Variants in DTD1 observed in about 807,000 individuals in gnomAD.
DTD1 encodes D-aminoacyl-tRNA deacylase 1, also known as D-tyrosyl-tRNA deacylase 1 homolog.
DTD1 carries 13 observed loss-of-function variants against 25.6 expected under a neutral mutation model. The observed-to-expected ratio is 0.51, with a 90% confidence interval of 0.33 to 0.81. DTD1 has a LOEUF of 0.81. Among genes scored for constraint, DTD1 ranks in the 30% least tolerant of loss-of-function variants. The pLI, the probability that DTD1 is intolerant of heterozygous loss-of-function variation, is 0.02. For synonymous variants in DTD1, 110 were observed against 103.6 expected (o/e 1.06, Z -0.37); for missense variants, 193 against 266.4 (o/e 0.72, Z 1.92).
chr20:18,746,338 C>G (rs1301686019), intron 5 of DTD1, among the ~76,000 whole-genome samples: 3 of 152,102 alleles, frequency 2.0e-5, no homozygotes, highest in Admixed American at 2.0e-4. Flanking sequence ...TCTTTCTCTT[C>G]TGAAAGAGAG....
At chr20:18,693,755 C>A (rs1009751360) in intron 4 of DTD1, among the ~76,000 whole-genome samples, 4 of 152,042 alleles carry the variant, frequency 2.6e-5, no homozygotes, top group Non-Finnish European at 5.9e-5. Context: ...ACCTTGAAAG[C>A]AGCACCCTTA....
At chr20:18,597,987 GT>G (rs1175654677) in intron 3 of DTD1, among the ~76,000 whole-genome samples, 1 of 109,982 alleles carries the variant, frequency 9.1e-6, no homozygotes, top group Admixed American at 9.2e-5. Flanking sequence ...CCAACATTTT[GT>G]CTTTTTTTGT....
intron 4 of DTD1, among the ~76,000 whole-genome samples, chr20:18,635,410 C>T (rs1051337040): frequency 1.4e-4 from 22 of 152,366 alleles, no homozygotes; most frequent in African/African-American, 5.0e-4. Context: ...AGGGCGCCAC[C>T]TGGCCAGACC....
At chr20:18,594,494 T>A (rs914350235) in intron 2 of DTD1, among the ~76,000 whole-genome samples, 1 of 152,138 alleles carries the variant, frequency 6.6e-6, no homozygotes, top group African/African-American at 2.4e-5. Context: ...ACTTTATAGC[T>A]CCCATTCATT....
chr20:18,736,949 A>G (rs2061257898), intron 4 of DTD1, among the ~76,000 whole-genome samples: 1 of 152,118 alleles, frequency 6.6e-6, no homozygotes, highest in Admixed American at 6.6e-5. Flanking sequence ...ATCTCAGCTA[A>G]TGGGTGGCTC....
intron 3 of DTD1, among the ~76,000 whole-genome samples, chr20:18,619,569 T>C (rs999443222): frequency 1.3e-5 from 2 of 151,962 alleles, no homozygotes; most frequent in African/African-American, 4.8e-5. Context: ...GGACTACAGG[T>C]GCACACCGCC....
intron 4 of DTD1, among the ~76,000 whole-genome samples, chr20:18,719,818 CATA>C (rs2061195560): frequency 6.6e-6 from 1 of 152,292 alleles, no homozygotes; most frequent in East Asian, 1.9e-4. Context: ...ATCATTTTGT[CATA>C]ATAATTTATT....
chr20:18,670,588 G>A (rs1285369133), intron 4 of DTD1, among the ~76,000 whole-genome samples: 1 of 152,214 alleles, frequency 6.6e-6, no homozygotes, highest in Non-Finnish European at 1.5e-5. Context: ...CCATTGCAGT[G>A]CACAGAGTAG....
chr20:18,733,330 A>G (rs1216839222), intron 4 of DTD1, among the ~76,000 whole-genome samples: 1 of 152,224 alleles, frequency 6.6e-6, no homozygotes, highest in Admixed American at 6.5e-5. Context: ...GTCCTTAAGC[A>G]GAAAGGGGCA....
chr20:18,716,950 G>A (rs991829236), intron 4 of DTD1, among the ~76,000 whole-genome samples: 8 of 152,102 alleles, frequency 5.3e-5, no homozygotes, highest in Admixed American at 2.0e-4. Flanking sequence ...AATGGTGGGG[G>A]ACGGCAGCTG....
intron 3 of DTD1, among the ~76,000 whole-genome samples, chr20:18,619,485 C>G (rs1424743431): frequency 6.6e-6 from 1 of 152,016 alleles, no homozygotes; most frequent in African/African-American, 2.4e-5. Flanking sequence ...AATGCAGTGG[C>G]ACAATCTTGG....
At chr20:18,615,911 C>G (rs1165967902) in intron 3 of DTD1, among the ~76,000 whole-genome samples, 1 of 152,162 alleles carries the variant, frequency 6.6e-6, no homozygotes, top group Non-Finnish European at 1.5e-5. Context: ...TGGAAGACCA[C>G]GTCTAAGTTT....
chr20:18,614,741 A>G (rs776027435), intron 3 of DTD1, among the ~76,000 whole-genome samples: 2 of 152,048 alleles, frequency 1.3e-5, no homozygotes, highest in African/African-American at 2.4e-5. Context: ...GTGTGGGCCC[A>G]TTTAGAGGCA....
At chr20:18,606,933 A>G (rs1368038758) in intron 3 of DTD1, among the ~76,000 whole-genome samples, 1 of 152,144 alleles carries the variant, frequency 6.6e-6, no homozygotes, top group Non-Finnish European at 1.5e-5. Context: ...ATAATAAAAA[A>G]AAAAAAGCCA....
intron 4 of DTD1, among the ~76,000 whole-genome samples, chr20:18,641,950 T>C (rs1269875035): frequency 6.6e-6 from 1 of 152,226 alleles, no homozygotes; most frequent in African/African-American, 2.4e-5. Flanking sequence ...ATCTAAATCA[T>C]GAAGCTTTTT....
chr20:18,618,973 A>G (rs1473780068), intron 3 of DTD1, among the ~76,000 whole-genome samples: 1 of 152,100 alleles, frequency 6.6e-6, no homozygotes, highest in Non-Finnish European at 1.5e-5. Context: ...TTGGCCTTCC[A>G]AAGTGCTGGG....
At chr20:18,607,736 TAG>T (rs1351531306) in intron 3 of DTD1, among the ~76,000 whole-genome samples, 2 of 151,790 alleles carry the variant, frequency 1.3e-5, no homozygotes, top group Admixed American at 6.6e-5. Flanking sequence ...TTTTTTGAGA[TAG>T]AGTCTCGCTT....
At chr20:18,591,593 C>A (rs895088254) in intron 1 of DTD1, among the ~76,000 whole-genome samples, 2 of 151,980 alleles carry the variant, frequency 1.3e-5, no homozygotes, top group African/African-American at 2.4e-5. Context: ...AAAAGGAAAT[C>A]ATTAAAATAT....
At chr20:18,736,563 G>A (rs1289285600) in intron 4 of DTD1, among the ~76,000 whole-genome samples, 1 of 152,220 alleles carries the variant, frequency 6.6e-6, no homozygotes, top group East Asian at 1.9e-4. Flanking sequence ...CTGTTGATCT[G>A]GTGCTTTGCA....
Sources: gnomAD v4.1 joint callset for allele counts (sites outside exome capture counted in the v4.1 genomes callset) on GRCh38, gnomAD v4.1.1 for gene constraint, MANE v1.5 for transcripts, NCBI Gene and HGNC (gene_info 2026-07-23, HGNC 2026-07-21) for gene names.